PRDM16: variants seen among roughly 807,000 people sequenced by gnomAD.
PRDM16 encodes histone-lysine N-methyltransferase PRDM16.
Under a neutral mutation model 110.6 loss-of-function variants are expected in PRDM16, and 23 were observed. The ratio of observed to expected loss-of-function variants is 0.21; its 90% confidence interval spans 0.15 to 0.29. The LOEUF (loss-of-function observed/expected upper bound fraction) is 0.29. PRDM16 is among the 10% of genes least tolerant of loss of function. The pLI is 1.00. For missense variants in PRDM16, 1,615 were observed against 1,794.3 expected (o/e 0.90, Z 1.81); for synonymous variants, 799 against 781.8 (o/e 1.02, Z -0.37).
intron 1 of PRDM16, among the ~76,000 whole-genome samples, chr1:3,151,832 T>C (rs1443657515): frequency 6.6e-6 from 1 of 152,202 alleles, no homozygotes; most frequent in Non-Finnish European, 1.5e-5. Context: ...CTGTGGGAAG[T>C]CATCACGGAC....
chr1:3,224,145 C>G (rs1442030440), intron 2 of PRDM16, among the ~76,000 whole-genome samples: 2 of 152,032 alleles, frequency 1.3e-5, no homozygotes, highest in African/African-American at 2.4e-5. Flanking sequence ...TTTATTGCCC[C>G]GTGGATGGTT....
chr1:3,088,057 G>C (rs773312178), intron 1 of PRDM16, among the ~76,000 whole-genome samples: 1 of 151,966 alleles, frequency 6.6e-6, no homozygotes, highest in Non-Finnish European at 1.5e-5. Context: ...GCAGCCTGGT[G>C]GAGATTTATG....
At position 3,297,280 on chromosome 1, in the gene PRDM16, ATTTT is replaced by A. The variant is rs34666813; in HGVS notation, c.438+53163_438+53166del. 8.8e-4 allele frequency among the ~76,000 whole-genome samples: 107 copies of A among 120,938 alleles called. 2 individuals carry two copies. Among genetic ancestry groups the A allele is most frequent in the East Asian group, 3.4e-3 (14 of 4,128 alleles). The allele number at this position is 120,938 out of a possible 152,430, so 79.3% of individuals were successfully genotyped here. ...TCCAGGTCAACGTCTGGTGAGAGGAATTTTTTTTTTTTTTTTTTTTTTTGACAGA... is the reference window on the plus strand; with the variant it reads ...TCCAGGTCAACGTCTGGTGAGAGGAATTTTTTTTTTTTTTTTTTTGACAGA... On this transcript the variant is annotated intron_variant, in intron 3 of 16. Coordinates refer to ENST00000270722, the MANE Select transcript of PRDM16 (RefSeq NM_022114.4).
At chr1:3,311,940 C>T (rs1641471450) in intron 3 of PRDM16, among the ~76,000 whole-genome samples, 1 of 152,158 alleles carries the variant, frequency 6.6e-6, no homozygotes, top group African/African-American at 2.4e-5. Context: ...GCTCCCGGGG[C>T]CCCCGTCCAG....
chr1:3,197,412 C>T (rs1378124352), intron 2 of PRDM16, among the ~76,000 whole-genome samples: 1 of 152,198 alleles, frequency 6.6e-6, no homozygotes, highest in Non-Finnish European at 1.5e-5. Flanking sequence ...GGTGATCCTA[C>T]AGCCTTGGCA....
chr1:3,149,270 G>T (rs986674752), intron 1 of PRDM16, among the ~76,000 whole-genome samples: 1 of 152,214 alleles, frequency 6.6e-6, no homozygotes, highest in South Asian at 2.1e-4. Context: ...CAAACCCACA[G>T]CTCCTTCCTC....
At chr1:3,242,655 C>T (rs1280990838) in intron 2 of PRDM16, among the ~76,000 whole-genome samples, 1 of 152,182 alleles carries the variant, frequency 6.6e-6, no homozygotes, top group Admixed American at 6.5e-5. Context: ...GCAGGGTGAC[C>T]CGGAAGGCGA....
intron 1 of PRDM16, among the ~76,000 whole-genome samples, chr1:3,108,803 C>T (rs1261463647): frequency 6.6e-6 from 1 of 152,090 alleles, no homozygotes; most frequent in Non-Finnish European, 1.5e-5. Flanking sequence ...GCAGTGCCCC[C>T]TTAGTGCTCA....
chr1:3,182,970 C>G (rs951993135), intron 1 of PRDM16, among the ~76,000 whole-genome samples: 2 of 152,198 alleles, frequency 1.3e-5, no homozygotes, highest in Non-Finnish European at 2.9e-5. Flanking sequence ...TTCCACAGGT[C>G]TCCCCATAGA....
At chr1:3,078,639 T>G (rs111789710) in intron 1 of PRDM16, among the ~76,000 whole-genome samples, 6 of 152,336 alleles carry the variant, frequency 3.9e-5, no homozygotes, top group African/African-American at 1.4e-4. Flanking sequence ...TTTAATTCGG[T>G]AGTTCAAATG....
rs755712825 is a variant in PRDM16, at chr1:3,244,066, C to T, written c.388-21C>T. The T allele has an allele frequency of 1.9e-6, 3 of 1,612,910 alleles. No individual in the cohort carries two copies. Among genetic ancestry groups the T allele is most frequent in the South Asian group, 2.2e-5 (2 of 91,052 alleles). On this transcript the variant is annotated intron_variant, in intron 2 of 16. Transcript: ENST00000270722. The surrounding 1 kb of genome is among the most constrained non-coding windows in gnomAD (Gnocchi z 4.1). ...AATGTTTTATCAGAAACTAACAACCCCTCTCAAAATTGTTTTGCAGCAAAT... is the reference window on the plus strand; with the variant it reads ...AATGTTTTATCAGAAACTAACAACCTCTCTCAAAATTGTTTTGCAGCAAAT...
In PRDM16 at chr1:3,425,691, T is replaced by C; in HGVS notation, c.3050T>C (p.Phe1017Ser). The change falls in exon 13 of 17, where the codon TTC (phenylalanine) becomes TCC (serine). Residue 1017 changes from phenylalanine to serine, a missense_variant. Phe to Ser is a radical substitution (Grantham distance 155). Around this residue, in one of 5 missense-constraint regions of PRDM16, gnomAD observed 327 missense variants for 359.3 expected, o/e 0.91. Transcript: ENST00000270722. This position sits in a 1 kb window ranked among gnomAD's most constrained non-coding sequence, Gnocchi z 6.9. The stretch of plus-strand genomic sequence containing the variant: ...AAGTGCCACCTGTGCAACCGCTGCT[T>C]CGGGCAGCAGACCAACCTGGACCGG... ...PFKCHLCNRCFGQQTNLDRHL... is the reference protein window; with the variant it reads ...PFKCHLCNRCSGQQTNLDRHL... 6.2e-7 allele frequency: 1 copy of C among 1,613,848 alleles called. No homozygotes were observed. Among genetic ancestry groups the C allele is most frequent in the Non-Finnish European group, 8.5e-7 (1 of 1,179,938 alleles).
At chr1:3,101,800 T>C (rs1642538744) in intron 1 of PRDM16, among the ~76,000 whole-genome samples, 1 of 152,114 alleles carries the variant, frequency 6.6e-6, no homozygotes, top group Non-Finnish European at 1.5e-5. Context: ...ATCTGGAGCT[T>C]TCTATGTATG....
At position 3,241,678 on chromosome 1, in the gene PRDM16, G is replaced by A. The variant is rs1427686136; in HGVS notation, c.388-2409G>A. ...AGACTCCGCCAGAAAGGCAAGAAGGGCCTCCGCATGGCGTGACGGATGGGT... is the reference window on the plus strand; with the variant it reads ...AGACTCCGCCAGAAAGGCAAGAAGGACCTCCGCATGGCGTGACGGATGGGT... On this transcript the variant is annotated intron_variant, in intron 2 of 16. Transcript: ENST00000270722. 4.6e-5 allele frequency among the ~76,000 whole-genome samples: 7 copies of A among 152,408 alleles called. No homozygotes were observed. In the East Asian group the frequency reaches 1.3e-3, roughly 29 times the overall value.
chr1:3,131,795 G>A (rs1271155373), intron 1 of PRDM16, among the ~76,000 whole-genome samples: 1 of 152,146 alleles, frequency 6.6e-6, no homozygotes, highest in Non-Finnish European at 1.5e-5. Context: ...CCCAGGCTGC[G>A]TCCTGCAGTG....
Position 3,157,186 on chromosome 1 carries a change from T to TCGGCAAC in PRDM16, c.38-28936_38-28930dup, listed in dbSNP as rs1429533529. On this transcript the variant is annotated intron_variant, in intron 1 of 16. Transcript: ENST00000270722. The surrounding 1 kb of genome is among the most constrained non-coding windows in gnomAD (Gnocchi z 4.8). Reference sequence around the variant, plus strand: ...GCGGGACCTGGAGAAGGAGGGCCGCTCGGCAACCGCTGAGCCGGCGCAAGA... The same window carrying TCGGCAAC: ...GCGGGACCTGGAGAAGGAGGGCCGCTCGGCAACCGGCAACCGCTGAGCCGGCGCAAGA... Among the ~76,000 whole-genome samples, 2 of 152,034 alleles carry TCGGCAAC rather than the reference T, an allele frequency of 1.3e-5. No individual in the cohort carries two copies. The highest frequency in any genetic ancestry group is 4.8e-5 in the African/African-American group (2 of 41,414).
chr1:3,325,468 T>C (rs904243275), intron 3 of PRDM16, among the ~76,000 whole-genome samples: 3 of 152,186 alleles, frequency 2.0e-5, no homozygotes, highest in African/African-American at 7.2e-5. Flanking sequence ...CAAGTCCCAC[T>C]AGATGGTCCC....
chr1:3,300,896 C>G (rs1641193561), intron 3 of PRDM16, among the ~76,000 whole-genome samples: 1 of 152,178 alleles, frequency 6.6e-6, no homozygotes, highest in Non-Finnish European at 1.5e-5. Context: ...CTTGCTATCA[C>G]CCTCGCTGTG....
At chr1:3,257,163 G>T (rs1557562115) in intron 3 of PRDM16, among the ~76,000 whole-genome samples, 1 of 152,216 alleles carries the variant, frequency 6.6e-6, no homozygotes, top group Non-Finnish European at 1.5e-5. Flanking sequence ...AGGCCGCGGA[G>T]GGCTCTTCGA....
Sources: gnomAD v4.1 joint callset for allele counts (sites outside exome capture counted in the v4.1 genomes callset) on GRCh38, gnomAD v4.1.1 for gene constraint, gnomAD v4.1.1 regional missense constraint, Gnocchi (gnomAD v3.1) non-coding constraint, MANE v1.5 for transcripts, NCBI Gene and HGNC (gene_info 2026-07-23, HGNC 2026-07-21) for gene names.